Variants in TAFA2 observed in about 807,000 individuals in gnomAD.
TAFA2 encodes chemokine-like protein TAFA-2.
A neutral mutation model predicts 18.8 loss-of-function variants in TAFA2; 7 were observed. The ratio of observed to expected loss-of-function variants is 0.37; its 90% CI spans 0.21 to 0.70. The LOEUF is 0.70. Ranked by LOEUF, TAFA2 falls within the 30% of genes least tolerant of loss-of-function variation. The pLI is 0.53. For synonymous variants in TAFA2, 60 were observed against 54.2 expected (o/e 1.11, Z -0.47); for missense variants, 122 against 158.1 (o/e 0.77, Z 1.23).
chr12:62,125,729 A>G (rs986463569), intron 1 of TAFA2, among the ~76,000 whole-genome samples: 2 of 152,004 alleles, frequency 1.3e-5, no homozygotes, highest in African/African-American at 2.4e-5. Flanking sequence ...TTAAAACACA[A>G]TCTTCAGCGT....
chr12:62,131,467 C>T (rs1437113951), intron 1 of TAFA2, among the ~76,000 whole-genome samples: 1 of 151,988 alleles, frequency 6.6e-6, no homozygotes, highest in East Asian at 1.9e-4. Flanking sequence ...AGGCATGTTA[C>T]CTGAGTAGTG....
chr12:61,780,343 A>G (rs1486148697), intron 2 of TAFA2, among the ~76,000 whole-genome samples: 1 of 151,846 alleles, frequency 6.6e-6, no homozygotes, highest in South Asian at 2.1e-4. Context: ...GCATGGAGGT[A>G]TAAAAAGAAA....
chr12:62,040,438 C>A (rs1355905507), intron 1 of TAFA2, among the ~76,000 whole-genome samples: 2 of 151,988 alleles, frequency 1.3e-5, no homozygotes, highest in African/African-American at 2.4e-5. Context: ...GAGCCCTAAT[C>A]CAATATGACT....
intron 1 of TAFA2, among the ~76,000 whole-genome samples, chr12:61,901,797 C>G (rs533422014): frequency 6.6e-6 from 1 of 152,102 alleles, no homozygotes; most frequent in African/African-American, 2.4e-5. Flanking sequence ...TGATTGTATA[C>G]CATGCCAGTT....
intron 1 of TAFA2, among the ~76,000 whole-genome samples, chr12:61,963,133 C>A (rs1260602909): frequency 6.6e-6 from 1 of 151,904 alleles, no homozygotes; most frequent in Non-Finnish European, 1.5e-5. Context: ...CATTGATGGT[C>A]ATTTGGGTTG....
intron 1 of TAFA2, among the ~76,000 whole-genome samples, chr12:61,999,249 C>T (rs1880299269): frequency 2.0e-5 from 3 of 152,152 alleles, no homozygotes; most frequent in Admixed American, 2.0e-4. Flanking sequence ...TCTCATGTCC[C>T]ATACGCTTCA....
At position 62,215,786 on chromosome 12, in the gene TAFA2, C is replaced by T. The variant is rs567140456; in HGVS notation, c.-130+42977G>A. Among the ~76,000 whole-genome samples the T allele has an allele frequency of 2.1e-5, 3 of 141,604 alleles. No individual in the cohort carries two copies. In the East Asian group the frequency reaches 6.4e-4, roughly 30 times the overall value. The allele number at this position is 141,604 out of a possible 152,430, so 92.9% of individuals were successfully genotyped here. The stretch of plus-strand genomic sequence containing the variant: ...AAAGAGATATGACACTTGCAAGTTA[C>T]ATTTTGTGTGACCTAAACTCCCTGA... On this transcript the variant is annotated intron_variant, in intron 1 of 5. Coordinates refer to the TAFA2 transcript ENST00000551619.
chr12:61,711,679 A>G (rs1348757182), intron 4 of TAFA2, among the ~76,000 whole-genome samples: 3 of 151,842 alleles, frequency 2.0e-5, no homozygotes, highest in Non-Finnish European at 2.9e-5. Flanking sequence ...ACAAAAGGCA[A>G]AAAAGTGTTT....
chr12:62,048,704 T>C (rs1881972596), intron 1 of TAFA2, among the ~76,000 whole-genome samples: 1 of 152,224 alleles, frequency 6.6e-6, no homozygotes, highest in Admixed American at 6.5e-5. Context: ...AAATAAGCCT[T>C]ATGATAAGTA....
rs138719241 is a variant in TAFA2 at position 61,975,909 on chromosome 12, G to A, written c.-1-108483C>T. ...CACATAAAAAGCAGAGGGGAGGAGGGACCCTAGGTGAGGTGATTGATACAT... is the reference window on the plus strand; with the variant it reads ...CACATAAAAAGCAGAGGGGAGGAGGAACCCTAGGTGAGGTGATTGATACAT... On this transcript the variant is annotated intron_variant, in intron 1 of 4. Transcript: ENST00000416284. Among the ~76,000 whole-genome samples the A allele has an allele frequency of 2.2e-3, 330 of 151,768 alleles. 4 individuals are homozygous for A. The highest frequency in any genetic ancestry group is 7.5e-3 in the African/African-American group (311 of 41,458).
chr12:61,939,911 C>A (rs1490288477), intron 1 of TAFA2, among the ~76,000 whole-genome samples: 1 of 152,166 alleles, frequency 6.6e-6, no homozygotes, highest in Non-Finnish European at 1.5e-5. Context: ...TAAAATAGAA[C>A]AGCTTACCTG....
At chr12:61,755,816 G>A (rs539965047) in intron 2 of TAFA2, among the ~76,000 whole-genome samples, 131 of 152,088 alleles carry the variant, frequency 8.6e-4, no homozygotes, top group Non-Finnish European at 1.5e-3. Context: ...ATCATATTAT[G>A]ATAAGATTCT....
At chr12:61,804,994 C>G (rs1871551201) in intron 2 of TAFA2, among the ~76,000 whole-genome samples, 2 of 151,866 alleles carry the variant, frequency 1.3e-5, no homozygotes, top group Admixed American at 6.6e-5. Flanking sequence ...GCAAAGCAAG[C>G]TTTGCTATAC....
chr12:62,034,308 G>A, intron 1 of TAFA2, among the ~76,000 whole-genome samples: 1 of 152,100 alleles, frequency 6.6e-6, no homozygotes, highest in East Asian at 1.9e-4. Context: ...GTACCGCCTG[G>A]CAGATAAACC....
intron 2 of TAFA2, among the ~76,000 whole-genome samples, chr12:61,804,885 A>G (rs1426638447): frequency 1.3e-5 from 2 of 152,160 alleles, no homozygotes; most frequent in Non-Finnish European, 2.9e-5. Context: ...ACCCAAAATA[A>G]GAAAATTTCA....
intron 2 of TAFA2, among the ~76,000 whole-genome samples, chr12:61,767,398 T>C (rs187950046): frequency 6.6e-6 from 1 of 152,236 alleles, no homozygotes; most frequent in East Asian, 1.9e-4. Context: ...TAAGAAGTGA[T>C]TATTCCCTGC....
chr12:61,940,220 T>A (rs1306056671), intron 1 of TAFA2, among the ~76,000 whole-genome samples: 1 of 152,116 alleles, frequency 6.6e-6, no homozygotes, highest in South Asian at 2.1e-4. Context: ...TGCAATTGCA[T>A]AAGGTCCCAA....
intron 1 of TAFA2, among the ~76,000 whole-genome samples, chr12:61,967,975 C>T (rs981047769): frequency 6.6e-6 from 1 of 151,708 alleles, no homozygotes; most frequent in African/African-American, 2.4e-5. Context: ...TGGTGTTCAA[C>T]CTTTGCTAAT....
chr12:61,817,620 G>C (rs900422763), intron 2 of TAFA2, among the ~76,000 whole-genome samples: 7 of 152,108 alleles, frequency 4.6e-5, no homozygotes, highest in African/African-American at 1.4e-4. Flanking sequence ...TTTGTGTTAA[G>C]TGGCAGCTAG....
Sources: allele counts gnomAD v4.1 joint callset (sites outside exome capture counted in the v4.1 genomes callset), GRCh38; gene constraint gnomAD v4.1.1; transcripts MANE v1.5; gene names NCBI Gene and HGNC (gene_info 2026-07-23, HGNC 2026-07-21).